Variants in CNTN4 observed in about 807,000 individuals in gnomAD.
CNTN4 encodes the protein contactin-4.
In CNTN4, 77 loss-of-function variants were observed where a neutral mutation model predicts 122.5. The observed-to-expected ratio is 0.63, with a 90% confidence interval of 0.52 to 0.76. CNTN4 has a LOEUF of 0.76. Ranked by LOEUF, CNTN4 falls within the 30% of genes least tolerant of loss-of-function variation. The probability of loss-of-function intolerance (pLI) is 0.00; values close to 1 mark genes in which losing one functional copy is unlikely to be tolerated. For synonymous variants in CNTN4, 512 were observed against 447.0 expected (o/e 1.15, Z -1.83); for missense variants, 1,256 against 1,259.1 (o/e 1.00, Z 0.04).
At chr3:2,569,449 C>A (rs947839429) in intron 3 of CNTN4, among the ~76,000 whole-genome samples, 1 of 152,058 alleles carries the variant, frequency 6.6e-6, no homozygotes, top group Non-Finnish European at 1.5e-5. Context: ...TTGGGGCTCC[C>A]ACAGTGTGTA....
At chr3:2,154,059 T>TTTTTTAAATAA (rs1225959496) in intron 2 of CNTN4, among the ~76,000 whole-genome samples, 2 of 152,152 alleles carry the variant, frequency 1.3e-5, no homozygotes, top group Non-Finnish European at 2.9e-5. Flanking sequence ...ATTCTGTTAT[T>TTTTTTAAATAA]TTTTTAAATA....
At chr3:2,815,873 C>CATGT (rs376003953) in intron 6 of CNTN4, among the ~76,000 whole-genome samples, 2 of 141,230 alleles carry the variant, frequency 1.4e-5, no homozygotes, top group African/African-American at 3.1e-5. Context: ...GAAACTATGG[C>CATGT]ATATATATAT....
At chr3:2,566,644 G>A (rs1208178666) in intron 3 of CNTN4, among the ~76,000 whole-genome samples, 2 of 151,940 alleles carry the variant, frequency 1.3e-5, no homozygotes, top group Non-Finnish European at 2.9e-5. Context: ...TTAAATAAAC[G>A]ATGATAGTTA....
intron 4 of CNTN4, among the ~76,000 whole-genome samples, chr3:2,589,781 G>T (rs1462724099): frequency 6.6e-6 from 1 of 152,166 alleles, no homozygotes; most frequent in Non-Finnish European, 1.5e-5. Context: ...CTCATGCCAG[G>T]TGTTGACGGT....
intron 4 of CNTN4, among the ~76,000 whole-genome samples, chr3:2,690,596 G>T (rs1009373927): frequency 2.0e-5 from 3 of 152,038 alleles, no homozygotes; most frequent in Non-Finnish European, 4.4e-5. Context: ...ATGGGGAAGG[G>T]TCATTATCCA....
intron 2 of CNTN4, among the ~76,000 whole-genome samples, chr3:2,212,964 A>G (rs2038685827): frequency 6.6e-6 from 1 of 152,230 alleles, no homozygotes; most frequent in Non-Finnish European, 1.5e-5. Flanking sequence ...CAGAGCGCTC[A>G]TGATATTAAT....
intron 3 of CNTN4, among the ~76,000 whole-genome samples, chr3:2,499,712 C>G (rs2076545817): frequency 6.6e-6 from 1 of 151,950 alleles, no homozygotes; most frequent in South Asian, 2.1e-4. Flanking sequence ...TTGCTTTATT[C>G]TAGGGTGCTT....
intron 14 of CNTN4, among the ~76,000 whole-genome samples, chr3:3,023,331 G>C (rs541972927): frequency 2.2e-3 from 342 of 152,248 alleles, no homozygotes; most frequent in African/African-American, 7.2e-3. Context: ...CTGAGTTAAT[G>C]AATCAGCAGC....
chr3:2,112,385 T>C (rs768465316), intron 2 of CNTN4, among the ~76,000 whole-genome samples: 10 of 152,186 alleles, frequency 6.6e-5, no homozygotes, highest in Non-Finnish European at 1.3e-4. Flanking sequence ...CTCCAGAGAA[T>C]AGCAGTCACT....
At chr3:2,768,001 T>C (rs1249101910) in intron 6 of CNTN4, among the ~76,000 whole-genome samples, 2 of 152,222 alleles carry the variant, frequency 1.3e-5, no homozygotes, top group African/African-American at 2.4e-5. Context: ...CATTTGCATA[T>C]AAATGTTACA....
At chr3:3,049,632 G>A (rs1354102906) in intron 23 of CNTN4, among the ~76,000 whole-genome samples, 1 of 152,032 alleles carries the variant, frequency 6.6e-6, no homozygotes, top group Non-Finnish European at 1.5e-5. Flanking sequence ...CTAGAGTGAG[G>A]GGAATAGAGA....
intron 13 of CNTN4, among the ~76,000 whole-genome samples, chr3:2,958,555 C>G (rs1338690134): frequency 1.3e-5 from 2 of 152,066 alleles, no homozygotes; most frequent in African/African-American, 4.8e-5. Flanking sequence ...CCTGGTGCAA[C>G]TATGATTAAA....
At chr3:2,377,695 C>T (rs764863646) in intron 3 of CNTN4, among the ~76,000 whole-genome samples, 2 of 152,166 alleles carry the variant, frequency 1.3e-5, no homozygotes, top group Non-Finnish European at 2.9e-5. Context: ...GACCTGTGGA[C>T]CGCATGTGGC....
At chr3:2,861,466 T>C (rs973891288) in intron 7 of CNTN4, among the ~76,000 whole-genome samples, 1 of 152,200 alleles carries the variant, frequency 6.6e-6, no homozygotes, top group Admixed American at 6.5e-5. Flanking sequence ...AAATACACTT[T>C]TCACATCTAC....
At chr3:2,726,027 G>C (rs1315774503) in intron 4 of CNTN4, among the ~76,000 whole-genome samples, 1 of 152,202 alleles carries the variant, frequency 6.6e-6, no homozygotes, top group Non-Finnish European at 1.5e-5. Flanking sequence ...TAGGGATAAA[G>C]CTTGCTTGGG....
At chr3:2,771,726 T>C (rs979053021) in intron 6 of CNTN4, among the ~76,000 whole-genome samples, 24 of 152,170 alleles carry the variant, frequency 1.6e-4, no homozygotes, top group Non-Finnish European at 2.9e-5. Flanking sequence ...GATCTTGTAC[T>C]TTAGTGGAAG....
chr3:2,163,260 C>A (rs1194082684), intron 2 of CNTN4, among the ~76,000 whole-genome samples: 1 of 152,140 alleles, frequency 6.6e-6, no homozygotes, highest in Non-Finnish European at 1.5e-5. Flanking sequence ...GGAAAAGACA[C>A]CTTATTCAAT....
chr3:2,740,615 A>G (rs900117675), intron 5 of CNTN4, among the ~76,000 whole-genome samples: 27 of 152,114 alleles, frequency 1.8e-4, no homozygotes, highest in African/African-American at 6.3e-4. Context: ...TAACTTACAT[A>G]CATCTTATAA....
At chr3:2,560,424 G>A (rs2078904103) in intron 3 of CNTN4, among the ~76,000 whole-genome samples, 1 of 152,114 alleles carries the variant, frequency 6.6e-6, no homozygotes, top group Admixed American at 6.5e-5. Flanking sequence ...TTACAAATGT[G>A]AGCCACCATG....
Sources: gnomAD v4.1 joint callset for allele counts (sites outside exome capture counted in the v4.1 genomes callset) on GRCh38, gnomAD v4.1.1 for gene constraint, MANE v1.5 for transcripts, NCBI Gene and HGNC (gene_info 2026-07-23, HGNC 2026-07-21) for gene names.